The following CNTN5 variants were observed in gnomAD, a reference collection of about 807,000 sequenced individuals.
CNTN5 encodes the protein contactin-5.
CNTN5 carries 77 observed loss-of-function variants against 129.1 expected under a neutral mutation model. The ratio of observed to expected loss-of-function variants is 0.60; its 90% CI spans 0.50 to 0.72. The LOEUF (loss-of-function observed/expected upper bound fraction) is 0.72, where lower values mean the gene tolerates loss of function less well. Among genes scored for constraint, CNTN5 ranks in the 30% least tolerant of loss-of-function variants. CNTN5 has a pLI of 0.00. For synonymous variants in CNTN5, 509 were observed against 465.6 expected (o/e 1.09, Z -1.20); for missense variants, 1,478 against 1,328.8 (o/e 1.11, Z -1.75).
intron 9 of CNTN5, among the ~76,000 whole-genome samples, chr11:100,043,214 G>A (rs185551594): frequency 6.6e-6 from 1 of 152,236 alleles, no homozygotes; most frequent in African/African-American, 2.4e-5. Flanking sequence ...TTTGAAAACA[G>A]CAAAATTATT....
chr11:100,335,177 A>G (rs1952009516), intron 21 of CNTN5, among the ~76,000 whole-genome samples: 1 of 152,116 alleles, frequency 6.6e-6, no homozygotes, highest in South Asian at 2.1e-4. Flanking sequence ...AAAAATTTTA[A>G]CAAGTGTGAA....
At chr11:99,082,515 G>A (rs1018367803) in intron 1 of CNTN5, among the ~76,000 whole-genome samples, 5 of 152,166 alleles carry the variant, frequency 3.3e-5, no homozygotes, top group African/African-American at 7.2e-5. Context: ...CTTTCTGGGA[G>A]AACCACTGCC....
intron 15 of CNTN5, among the ~76,000 whole-genome samples, chr11:100,215,344 G>A (rs1235349894): frequency 6.6e-6 from 1 of 152,130 alleles, no homozygotes; most frequent in Non-Finnish European, 1.5e-5. Context: ...CCAGATTCAA[G>A]GAGTAGGAAA....
chr11:99,186,715 G>T (rs1240612581), intron 1 of CNTN5, among the ~76,000 whole-genome samples: 1 of 151,882 alleles, frequency 6.6e-6, no homozygotes, highest in Non-Finnish European at 1.5e-5. Flanking sequence ...TCTTTTCTTA[G>T]AAAAGTGACC....
intron 16 of CNTN5, among the ~76,000 whole-genome samples, chr11:100,243,264 A>C (rs1949778494): frequency 6.6e-6 from 1 of 152,254 alleles, no homozygotes; most frequent in African/African-American, 2.4e-5. Flanking sequence ...TATAGCAAAG[A>C]AATTAGAAAA....
intron 9 of CNTN5, among the ~76,000 whole-genome samples, chr11:100,035,129 A>G (rs1052239592): frequency 2.0e-5 from 3 of 150,990 alleles, no homozygotes; most frequent in African/African-American, 7.3e-5. Flanking sequence ...CACTCCTCCC[A>G]CCCCACAACA....
chr11:100,144,337 T>G (rs544939317), intron 13 of CNTN5, among the ~76,000 whole-genome samples: 2 of 152,254 alleles, frequency 1.3e-5, no homozygotes, highest in Admixed American at 6.5e-5. Flanking sequence ...ATAAACATAG[T>G]ACCCCATAGG....
chr11:99,246,246 TAG>T (rs1328114068), intron 1 of CNTN5, among the ~76,000 whole-genome samples: 4 of 152,194 alleles, frequency 2.6e-5, no homozygotes, highest in Admixed American at 6.5e-5. Flanking sequence ...CTGTAAGAAC[TAG>T]AGTTATTCAT....
intron 6 of CNTN5, among the ~76,000 whole-genome samples, chr11:99,880,134 G>C (rs113345319): frequency 1.3e-5 from 2 of 152,208 alleles, no homozygotes; most frequent in African/African-American, 4.8e-5. Context: ...CATGCATAGC[G>C]TGTGTTCATT....
At chr11:100,107,359 GAC>G (rs1311718930) in intron 13 of CNTN5, among the ~76,000 whole-genome samples, 2 of 151,786 alleles carry the variant, frequency 1.3e-5, no homozygotes, top group Non-Finnish European at 2.9e-5. Flanking sequence ...GAGGTCAATA[GAC>G]TTAATGAAAA....
At chr11:99,440,325 AT>A (rs1276541261) in intron 2 of CNTN5, among the ~76,000 whole-genome samples, 1 of 152,094 alleles carries the variant, frequency 6.6e-6, no homozygotes, top group Non-Finnish European at 1.5e-5. Flanking sequence ...AACTGGAATT[AT>A]TACTAACATT....
At chr11:99,975,288 C>T (rs1406857921) in intron 8 of CNTN5, among the ~76,000 whole-genome samples, 1 of 152,132 alleles carries the variant, frequency 6.6e-6, no homozygotes, top group Non-Finnish European at 1.5e-5. Flanking sequence ...TATTTTGGAG[C>T]TTACGTTTTA....
intron 1 of CNTN5, among the ~76,000 whole-genome samples, chr11:99,243,015 G>T (rs190877996): frequency 7.3e-4 from 111 of 152,248 alleles, no homozygotes; most frequent in Non-Finnish European, 2.5e-4. Flanking sequence ...GGGATTCCTG[G>T]CTTAAATGGT....
chr11:99,813,722 T>C (rs1195016393), intron 3 of CNTN5, among the ~76,000 whole-genome samples: 2 of 151,970 alleles, frequency 1.3e-5, no homozygotes, highest in South Asian at 2.1e-4. Context: ...TCCAGTGAAA[T>C]AGGGATAAAG....
chr11:99,804,747 A>G (rs1264483756), intron 3 of CNTN5, among the ~76,000 whole-genome samples: 2 of 151,160 alleles, frequency 1.3e-5, no homozygotes, highest in African/African-American at 4.8e-5. Flanking sequence ...AATGTGTTTG[A>G]GTCTATGTTT....
In CNTN5 at chr11:99,916,133, T is replaced by C. The variant is rs1426468753; in HGVS notation, c.657T>C (p.Pro219=). The change falls in exon 7 of 25, where the codon CCT becomes CCC. Residue 219 remains proline, a synonymous_variant. Coordinates refer to ENST00000524871, the MANE Select transcript of CNTN5 (RefSeq NM_014361.4). ...EGQGVVLMCS[P]PPHSPEIIYS... ...AGGGTGTCGTTCTGATGTGCTCTCC[T>C]CCGCCACATTCACCAGGTACAGTAG... 3 of 1,611,408 alleles carry C rather than the reference T, an allele frequency of 1.9e-6. No homozygotes were observed. The highest frequency in any genetic ancestry group is 4.5e-5 in the East Asian group (2 of 44,746).
In CNTN5 at chr11:99,249,394, A is replaced by T. The variant is rs368625303; in HGVS notation, c.-209-75952A>T. Among the ~76,000 whole-genome samples, 61 of 152,192 alleles carry T rather than the reference A, an allele frequency of 4.0e-4. 2 individuals are homozygous for T. The South Asian group carries it at 0.012, about 29-fold the overall frequency. ...CCTGCTACATTTCAATGACCTAAAAACTGTTGTGGCAAGGCCTTGATGACA... is the reference window on the plus strand; with the variant it reads ...CCTGCTACATTTCAATGACCTAAAATCTGTTGTGGCAAGGCCTTGATGACA... On this transcript the variant is annotated intron_variant, in intron 1 of 24. Transcript: ENST00000524871.
intron 3 of CNTN5, among the ~76,000 whole-genome samples, chr11:99,791,562 T>C (rs916579517): frequency 6.6e-6 from 1 of 152,146 alleles, no homozygotes; most frequent in Non-Finnish European, 1.5e-5. Flanking sequence ...TGCCTCCAGG[T>C]TTGTCCTCTT....
intron 2 of CNTN5, among the ~76,000 whole-genome samples, chr11:99,352,888 C>G (rs1443536940): frequency 6.6e-6 from 1 of 152,106 alleles, no homozygotes; most frequent in Non-Finnish European, 1.5e-5. Context: ...CTGGCACAAC[C>G]CTGAGTGTGT....
Sources: gnomAD v4.1 joint callset for allele counts (sites outside exome capture counted in the v4.1 genomes callset) on GRCh38, gnomAD v4.1.1 for gene constraint, MANE v1.5 for transcripts, NCBI Gene and HGNC (gene_info 2026-07-23, HGNC 2026-07-21) for gene names.